The following PRSS55 variants were observed in gnomAD, a reference collection of about 807,000 sequenced individuals.
The protein encoded by PRSS55 is serine protease 55.
In PRSS55, 41 loss-of-function variants were observed where a neutral mutation model predicts 23.6. The observed-to-expected ratio is 1.74, with a 90% CI of 1.35 to 2.26. The LOEUF is 2.26. PRSS55 is among the 30% of genes most tolerant of loss of function. PRSS55 has a pLI of 0.00. For synonymous variants in PRSS55, 262 were observed against 175.5 expected (o/e 1.49, Z -3.90); for missense variants, 669 against 439.1 (o/e 1.52, Z -4.68).
At chr8:10,552,936 G>A (rs955794482) in intron 4 of PRSS55, among the ~76,000 whole-genome samples, 1 of 152,252 alleles carries the variant, frequency 6.6e-6, no homozygotes, top group East Asian at 1.9e-4. Flanking sequence ...CAAAGGAAAT[G>A]AAATCAGTAT....
chr8:10,543,445 A>ACCT (rs1812721352), downstream of PRSS55, among the ~76,000 whole-genome samples: 1 of 24,730 alleles, frequency 4.0e-5, no homozygotes, highest in Non-Finnish European at 1.3e-4. Context: ...CCTTCCTTCC[A>ACCT]TCCTTCCTTC....
chr8:10,528,552 G>A (rs1452093812), intron 1 of PRSS55, among the ~76,000 whole-genome samples: 2 of 152,236 alleles, frequency 1.3e-5, no homozygotes, highest in Non-Finnish European at 2.9e-5. Context: ...TCCTGCCTCA[G>A]CACAGGCGCT....
chr8:10,532,874 G>T lies in PRSS55; in HGVS notation c.599-32G>T, dbSNP rs534221850. The T allele has an allele frequency of 4.3e-6, 7 of 1,613,668 alleles. No homozygotes were observed. The South Asian group carries it at 5.5e-5, about 13-fold the overall frequency. ...CGAACGTGGGGACATGAGGCCCAGT[G>T]GCTTCTCTAATGCGCTTTCTCTCTG... On this transcript the variant is annotated intron_variant, in intron 3 of 4. Transcript: ENST00000328655.
chr8:10,552,965 C>T (rs944209062), intron 4 of PRSS55, among the ~76,000 whole-genome samples: 2 of 152,368 alleles, frequency 1.3e-5, no homozygotes, highest in East Asian at 3.9e-4. Context: ...TATATTTGCA[C>T]TCTCATGCTT....
At chr8:10,533,146 A>T in intron 4 of PRSS55, 98 bp downstream of exon 4, 1 of 1,320,322 alleles carries the variant, frequency 7.6e-7, no homozygotes, top group East Asian at 2.3e-5. Flanking sequence ...GACAATTCTG[A>T]GTCTGGAAAA....
chr8:10,548,915 A>G (rs902776888), intron 4 of PRSS55, among the ~76,000 whole-genome samples: 1 of 151,846 alleles, frequency 6.6e-6, no homozygotes, highest in African/African-American at 2.4e-5. Context: ...CAAAGTCAAA[A>G]GCAGGGGTCC....
chr8:10,549,576 A>G (rs1372406581), intron 4 of PRSS55, among the ~76,000 whole-genome samples: 7 of 152,202 alleles, frequency 4.6e-5, no homozygotes, highest in Admixed American at 3.9e-4. Context: ...CAGATCATCA[A>G]GAAAAGACCC....
chr8:10,546,563 G>C lies in PRSS55; in HGVS notation c.742-7380G>C, dbSNP rs545356540. Among the ~76,000 whole-genome samples, 3 of 152,294 alleles carry C rather than the reference G, an allele frequency of 2.0e-5. No individual in the cohort carries two copies. In the East Asian group the frequency reaches 5.8e-4, roughly 29 times the overall value. On this transcript the variant is annotated intron_variant, in intron 4 of 4. Transcript: ENST00000522210. ...AGCCTCAGGCAGCTCCAAAGCCTTA[G>C]ACTTGGCTCTGCAGGGCAGCCACGG...
rs1585864252 is a variant in PRSS55 at position 10,527,696 on chromosome 8, C to G, written c.155-1811C>G. Among the ~76,000 whole-genome samples the G allele has an allele frequency of 2.6e-5, 4 of 152,338 alleles. No individual in the cohort carries two copies. In the South Asian group the frequency reaches 8.3e-4, roughly 32 times the overall value. ...TTGCCAGCCGGCCTGGGGCTCATAT[C>G]ATAGTTCAGTCACTGACTAGTTGTG... is the stretch of plus-strand genomic sequence containing the variant. On this transcript the variant is annotated intron_variant, in intron 1 of 4. Transcript: ENST00000328655.
At chr8:10,536,755 A>G (rs1563542151) in intron 4 of PRSS55, among the ~76,000 whole-genome samples, 1 of 152,250 alleles carries the variant, frequency 6.6e-6, no homozygotes, top group Non-Finnish European at 1.5e-5. Flanking sequence ...TAAGTGAATT[A>G]GTGCAGGAAC....
rs543931355 is a variant in PRSS55 at position 10,527,086 on chromosome 8, C to T, written c.154+1347C>T. The stretch of plus-strand genomic sequence containing the variant: ...TGTACTTCCTTCCATACTTATAAAC[C>T]CACATTCTCAACGTAATAAAATCAC... On this transcript the variant is annotated intron_variant, in intron 1 of 4. Transcript: ENST00000328655. Among the ~76,000 whole-genome samples, 29 of 152,282 alleles carry T rather than the reference C, an allele frequency of 1.9e-4. No homozygotes were observed. In the South Asian group the frequency reaches 6.0e-3, roughly 32 times the overall value.
At chr8:10,529,399 T>C (rs1289946373) in intron 1 of PRSS55, 108 bp from the exon 2 acceptor site, 1 of 1,105,400 alleles carries the variant, frequency 9.0e-7, no homozygotes, top group Admixed American at 1.8e-5. Flanking sequence ...AGAATGGGGA[T>C]GAGGATATCC....
chr8:10,534,182 G>A (rs923583675), intron 4 of PRSS55, among the ~76,000 whole-genome samples: 5 of 152,036 alleles, frequency 3.3e-5, no homozygotes, highest in African/African-American at 9.7e-5. Flanking sequence ...CAGACAAGAC[G>A]GAGTAAACAC....
Position 10,532,982 on chromosome 8 carries a change from G to T in PRSS55, c.675G>T (p.Met225Ile), listed in dbSNP as rs139167926. 1.2e-3 allele frequency: 1,915 copies of T among 1,614,100 alleles called. No individual in the cohort carries two copies. Among genetic ancestry groups the T allele is most frequent in the Non-Finnish European group, 1.5e-3 (1,795 of 1,180,050 alleles). The change falls in exon 4 of 5, where the codon ATG (methionine) becomes ATT (isoleucine). Residue 225 changes from methionine (M) to isoleucine (I), a missense_variant. By Grantham distance (10) the Met-to-Ile change is conservative (BLOSUM62 1). Coordinates refer to ENST00000328655, the MANE Select transcript of PRSS55 (RefSeq NM_198464.4). The part of the protein sequence containing the change: ...VIMDWEECSK[M>I]FPKLTKNMLC... ...TGGACTGGGAGGAGTGTTCAAAGATGTTTCCAAAACTTACCAAAAATATGC... is the reference window on the plus strand; with the variant it reads ...TGGACTGGGAGGAGTGTTCAAAGATTTTTCCAAAACTTACCAAAAATATGC...
intron 4 of PRSS55, chr8:10,545,222 G>C (rs1414117019): frequency 3.4e-5 from 5 of 147,308 alleles, no homozygotes; most frequent in African/African-American, 1.0e-4. Context: ...TTTTCCGAGA[G>C]TGTCTCACTC....
chr8:10,528,412 G>A (rs58842562), intron 1 of PRSS55, among the ~76,000 whole-genome samples: 12,572 of 152,222 alleles, frequency 0.083, 660 homozygotes, highest in African/African-American at 0.14. Context: ...TAGGGTCTTG[G>A]GCTTTTTAGA....
chr8:10,548,123 G>C (rs1193447273), intron 4 of PRSS55, among the ~76,000 whole-genome samples: 1 of 152,172 alleles, frequency 6.6e-6, no homozygotes, highest in Non-Finnish European at 1.5e-5. Context: ...GAGATTCCCA[G>C]AGCTTTGCAG....
At chr8:10,547,169 A>C (rs1585894796) in intron 4 of PRSS55, among the ~76,000 whole-genome samples, 1 of 151,904 alleles carries the variant, frequency 6.6e-6, no homozygotes, top group Admixed American at 6.5e-5. Flanking sequence ...AATTCCCGCC[A>C]CCCTTGTCAC....
Position 10,538,733 on chromosome 8 carries a change from C to G in PRSS55, c.999C>G (p.Pro333=). The G allele has an allele frequency of 6.2e-7, 1 of 1,612,826 alleles. No homozygotes were observed. Among genetic ancestry groups the G allele is most frequent in the Non-Finnish European group, 8.5e-7 (1 of 1,179,424 alleles). ...PVSGVPEPGS[P]RSWLLLCPLS... ...CGGGAGTCCCAGAGCCAGGCAGCCC[C>G]AGATCCTGGCTCCTGCTCTGTCCCC... Residue 333 remains proline, a synonymous_variant, in exon 5 of 5, where the codon CCC becomes CCG. Coordinates refer to ENST00000328655, the MANE Select transcript of PRSS55 (RefSeq NM_198464.4).
Sources: gnomAD v4.1 joint callset for allele counts (sites outside exome capture counted in the v4.1 genomes callset) on GRCh38, gnomAD v4.1.1 for gene constraint, MANE v1.5 for transcripts, NCBI Gene and HGNC (gene_info 2026-07-23, HGNC 2026-07-21) for gene names.